HCN1: variants seen among roughly 807,000 people sequenced by gnomAD.
HCN1 encodes potassium/sodium hyperpolarization-activated cyclic nucleotide-gated channel 1.
A neutral mutation model predicts 78.9 loss-of-function variants in HCN1; 13 were observed. That is an observed-to-expected ratio of 0.16 (90% CI 0.11 to 0.26). The LOEUF is 0.26. Ranked by LOEUF, HCN1 falls within the 10% of genes least tolerant of loss-of-function variation. The pLI, the probability that HCN1 is intolerant of heterozygous loss-of-function variation, is 1.00. For missense variants in HCN1, 810 were observed against 1,154.3 expected (o/e 0.70, Z 4.32); for synonymous variants, 552 against 455.5 (o/e 1.21, Z -2.70).
intron 2 of HCN1, among the ~76,000 whole-genome samples, chr5:45,520,132 T>A (rs1203800556): frequency 2.0e-5 from 3 of 152,034 alleles, no homozygotes; most frequent in African/African-American, 7.2e-5. Flanking sequence ...GTTGGTCCAT[T>A]CTGTCACAGT....
chr5:45,681,088 A>G (rs1033107506), intron 1 of HCN1, among the ~76,000 whole-genome samples: 5 of 152,024 alleles, frequency 3.3e-5, no homozygotes, highest in Admixed American at 6.6e-5. Context: ...AGGCAGACCA[A>G]TTGTGCAAAT....
intron 3 of HCN1, among the ~76,000 whole-genome samples, chr5:45,411,366 T>G (rs1055158339): frequency 6.6e-6 from 1 of 152,016 alleles, no homozygotes; most frequent in African/African-American, 2.4e-5. Context: ...TCTGTTTTTT[T>G]TTTTTATTCT....
chr5:45,397,125 T>A (rs1383312315), intron 3 of HCN1, among the ~76,000 whole-genome samples: 1 of 152,162 alleles, frequency 6.6e-6, no homozygotes, highest in Non-Finnish European at 1.5e-5. Context: ...TAAACATTTT[T>A]ATCAAAACCA....
At chr5:45,582,134 T>C (rs1744090411) in intron 2 of HCN1, among the ~76,000 whole-genome samples, 1 of 152,188 alleles carries the variant, frequency 6.6e-6, no homozygotes. Context: ...TTCACGGTAT[T>C]GATTCTTCCT....
Position 45,262,292 on chromosome 5 carries a change from G to C in HCN1, c.2302C>G (p.His768Asp), listed in dbSNP as rs760215449. 1.2e-6 allele frequency: 2 copies of C among 1,613,980 alleles called. No homozygotes were observed. Among genetic ancestry groups the C allele is most frequent in the South Asian group, 2.2e-5 (2 of 91,084 alleles). ...PGSSTPKNEV[H>D]KSTQALHNTN... ...TTGTGAAGCGCCTGCGTGCTCTTGT[G>C]CACTTCATTTTTCGGCGTGGAGCTG... Residue 768 changes from histidine to aspartate, a missense_variant, in exon 8 of 8, where the codon CAC becomes GAC. Physicochemically the swap from His to Asp is moderately conservative, Grantham distance 81. This residue lies in a region of HCN1 where 398 missense variants were observed against 381.3 expected (regional missense o/e 1.04). Coordinates refer to ENST00000303230, the MANE Select transcript of HCN1 (RefSeq NM_021072.4).
chr5:45,585,484 T>A (rs992957719), intron 2 of HCN1, among the ~76,000 whole-genome samples: 1 of 152,206 alleles, frequency 6.6e-6, no homozygotes, highest in Non-Finnish European at 1.5e-5. Flanking sequence ...CTTCCTCCTT[T>A]AGCTCAGAGT....
chr5:45,470,345 T>C (rs1227409368), intron 2 of HCN1, among the ~76,000 whole-genome samples: 1 of 152,012 alleles, frequency 6.6e-6, no homozygotes, highest in African/African-American at 2.4e-5. Flanking sequence ...GAACAAACCA[T>C]GCATTCTTCC....
rs374870589 is a variant in HCN1 at position 45,637,996 on chromosome 5, G to A, written c.849+7189C>T. On this transcript the variant is annotated intron_variant, in intron 2 of 7. Coordinates refer to ENST00000303230, the MANE Select transcript of HCN1 (RefSeq NM_021072.4). ...GAATTTTAAAATAGTTATGAATGGA[G>A]AATAGAAATCCAAATGAGACACAAA... Among the ~76,000 whole-genome samples the A allele has an allele frequency of 3.1e-4, 47 of 152,266 alleles. No individual in the cohort carries two copies. The East Asian group carries it at 3.9e-3, about 12-fold the overall frequency.
At chr5:45,668,050 T>C (rs1168947314) in intron 1 of HCN1, among the ~76,000 whole-genome samples, 3 of 152,018 alleles carry the variant, frequency 2.0e-5, no homozygotes, top group Admixed American at 2.0e-4. Context: ...CAGGGCTCTT[T>C]CCTATGTAAT....
intron 1 of HCN1, among the ~76,000 whole-genome samples, chr5:45,659,472 G>A (rs1224035804): frequency 4.6e-5 from 5 of 108,894 alleles, no homozygotes; most frequent in Non-Finnish European, 7.2e-5. Context: ...TTGACGAGCT[G>A]AGAGAAGAAG....
intron 2 of HCN1, among the ~76,000 whole-genome samples, chr5:45,609,134 C>CT (rs1181479714): frequency 2.0e-5 from 3 of 151,790 alleles, no homozygotes; most frequent in Non-Finnish European, 1.5e-5. Flanking sequence ...TGGGAGAATA[C>CT]TGTATCGATT....
intron 5 of HCN1, among the ~76,000 whole-genome samples, chr5:45,336,410 T>C (rs1196111500): frequency 6.6e-6 from 1 of 152,106 alleles, no homozygotes; most frequent in Non-Finnish European, 1.5e-5. Context: ...AATGATAATT[T>C]TTTAAGATGA....
intron 2 of HCN1, among the ~76,000 whole-genome samples, chr5:45,566,936 C>G (rs1579973331): frequency 6.6e-6 from 1 of 152,172 alleles, no homozygotes; most frequent in East Asian, 1.9e-4. Flanking sequence ...GTTCCCCTCA[C>G]TATTACTTTC....
intron 4 of HCN1, among the ~76,000 whole-genome samples, chr5:45,380,741 A>G (rs1371934228): frequency 6.6e-6 from 1 of 152,124 alleles, no homozygotes; most frequent in East Asian, 1.9e-4. Context: ...ATTACACACT[A>G]TAGAAAAAGT....
rs112549933 is a variant in HCN1, at chr5:45,328,257, A to AT, written c.1378-24419dup. On this transcript the variant is annotated intron_variant, in intron 5 of 7. Coordinates refer to ENST00000303230, the MANE Select transcript of HCN1 (RefSeq NM_021072.4). ...TTTGCGGTGCCACAGCAAAACTAGCATTTTTTTTTTTCTTCACAATTTCAT... is the reference window on the plus strand; with the variant it reads ...TTTGCGGTGCCACAGCAAAACTAGCATTTTTTTTTTTTCTTCACAATTTCAT... Among the ~76,000 whole-genome samples, 54 of 147,396 alleles carry AT rather than the reference A, an allele frequency of 3.7e-4. 1 individual carries two copies. Among genetic ancestry groups the AT allele is most frequent in the Middle Eastern group, 3.5e-3 (1 of 282 alleles).
chr5:45,492,524 T>G (rs1187251962), intron 2 of HCN1, among the ~76,000 whole-genome samples: 6 of 135,480 alleles, frequency 4.4e-5, no homozygotes, highest in East Asian at 2.0e-4. Context: ...TTTTTGTTTT[T>G]TTTTTTTTTT....
intron 2 of HCN1, among the ~76,000 whole-genome samples, chr5:45,556,583 T>C (rs1052680271): frequency 3.9e-5 from 6 of 151,924 alleles, no homozygotes; most frequent in Middle Eastern, 3.2e-3. Flanking sequence ...AGATTCCTTC[T>C]TCCATTTTCT....
At chr5:45,613,065 A>G (rs1744872589) in intron 2 of HCN1, among the ~76,000 whole-genome samples, 1 of 151,896 alleles carries the variant, frequency 6.6e-6, no homozygotes, top group Admixed American at 6.6e-5. Flanking sequence ...CAGGTTAGTT[A>G]CATATGTATA....
At chr5:45,300,453 T>C (rs1486394875) in intron 6 of HCN1, among the ~76,000 whole-genome samples, 1 of 152,202 alleles carries the variant, frequency 6.6e-6, no homozygotes, top group African/African-American at 2.4e-5. Flanking sequence ...GATCCATTTA[T>C]TATGATGATC....
Sources: allele counts gnomAD v4.1 joint callset (sites outside exome capture counted in the v4.1 genomes callset), GRCh38; gene constraint gnomAD v4.1.1; regional missense constraint gnomAD v4.1.1; transcripts MANE v1.5; gene names NCBI Gene and HGNC (gene_info 2026-07-23, HGNC 2026-07-21).